Variants in CMIP observed in about 807,000 individuals in gnomAD.
CMIP encodes the protein C-Maf-inducing protein.
In CMIP, 13 loss-of-function variants were observed where a neutral mutation model predicts 97.3. That is an observed-to-expected ratio of 0.13 (90% CI 0.09 to 0.21). CMIP has a LOEUF of 0.21. Among genes scored for constraint, CMIP ranks in the 10% least tolerant of loss-of-function variants. CMIP has a pLI of 1.00. For missense variants in CMIP, 847 were observed against 1,024.9 expected (o/e 0.83, Z 2.37); for synonymous variants, 538 against 436.3 (o/e 1.23, Z -2.91).
At chr16:81,515,433 C>G (rs1185994467) in intron 1 of CMIP, among the ~76,000 whole-genome samples, 1 of 152,148 alleles carries the variant, frequency 6.6e-6, no homozygotes, top group Non-Finnish European at 1.5e-5. Context: ...CTGATCTTGG[C>G]TTTGAAGGCT....
intron 1 of CMIP, among the ~76,000 whole-genome samples, chr16:81,538,921 C>T (rs2090397020): frequency 1.3e-5 from 2 of 151,932 alleles, no homozygotes; most frequent in Admixed American, 1.3e-4. Flanking sequence ...GAACGGTGTC[C>T]ATCTGTTTGT....
rs143778022 is a variant in CMIP at position 81,452,029 on chromosome 16, C to T, written c.300+6488C>T. Among the ~76,000 whole-genome samples the T allele has an allele frequency of 2.2e-4, 33 of 152,284 alleles. No individual in the cohort carries two copies. The East Asian group carries it at 6.4e-3, about 29-fold the overall frequency. The stretch of plus-strand genomic sequence containing the variant: ...GACGTGCGTGTGGGGGAGGTGTTTG[C>T]TGTGTGTATTGAGGCAAAGGAGATG... On this transcript the variant is annotated intron_variant, in intron 1 of 20. Transcript: ENST00000537098.
intron 1 of CMIP, among the ~76,000 whole-genome samples, chr16:81,546,509 A>G (rs1021594955): frequency 3.9e-5 from 6 of 152,132 alleles, no homozygotes; most frequent in African/African-American, 1.4e-4. Flanking sequence ...CGGTTCATTC[A>G]TTCACCCATT....
intron 1 of CMIP, chr16:81,517,837 T>A (rs992550464): frequency 1.8e-6 from 1 of 545,908 alleles, no homozygotes; most frequent in African/African-American, 2.0e-5. Context: ...TTCGACGTTC[T>A]CTGGAGGCTT....
At chr16:81,530,610 C>T (rs924667315) in intron 1 of CMIP, among the ~76,000 whole-genome samples, 12 of 152,092 alleles carry the variant, frequency 7.9e-5, no homozygotes, top group Non-Finnish European at 1.8e-4. Flanking sequence ...CTTTCCTCAC[C>T]GCTTCCCAAG....
intron 1 of CMIP, among the ~76,000 whole-genome samples, chr16:81,506,322 G>T (rs2089708382): frequency 6.6e-6 from 1 of 152,098 alleles, no homozygotes; most frequent in South Asian, 2.1e-4. Context: ...ATGAGCAAGG[G>T]CCCCCAGAGA....
chr16:81,681,706 A>C lies in CMIP; in HGVS notation c.1388+3078A>C, dbSNP rs967776893. Among the ~76,000 whole-genome samples, 3 of 152,232 alleles carry C rather than the reference A, an allele frequency of 2.0e-5. No individual in the cohort carries two copies. The South Asian group carries it at 6.2e-4, about 32-fold the overall frequency. On this transcript the variant is annotated intron_variant, in intron 10 of 20. Transcript: ENST00000537098. ...AAAAGCCACATGGCATTTATTGCAC[A>C]CCTGGATTGCAGGAAACTTGCCTCC...
chr16:81,651,356 T>A, intron 3 of CMIP: 1 of 904,208 alleles, frequency 1.1e-6, no homozygotes, highest in Non-Finnish European at 1.3e-6. Context: ...GAACTAACTC[T>A]GCCTCAAATC....
At chr16:81,673,164 G>A (rs2092698344) in intron 9 of CMIP, among the ~76,000 whole-genome samples, 1 of 152,132 alleles carries the variant, frequency 6.6e-6, no homozygotes, top group Non-Finnish European at 1.5e-5. Flanking sequence ...TCCTAGGAAG[G>A]TGGTCCCAGG....
At chr16:81,692,827 T>G (rs1906252748) in intron 11 of CMIP, among the ~76,000 whole-genome samples, 1 of 152,160 alleles carries the variant, frequency 6.6e-6, no homozygotes, top group African/African-American at 2.4e-5. Flanking sequence ...CGTGGAACAA[T>G]TAATGAACAC....
intron 1 of CMIP, among the ~76,000 whole-genome samples, chr16:81,562,737 G>T (rs1387859523): frequency 6.6e-6 from 1 of 152,240 alleles, no homozygotes; most frequent in African/African-American, 2.4e-5. Flanking sequence ...GCACCGAAGG[G>T]CTCCAAGTTC....
intron 1 of CMIP, among the ~76,000 whole-genome samples, chr16:81,516,437 G>A (rs2089915313): frequency 1.3e-5 from 2 of 152,174 alleles, no homozygotes; most frequent in African/African-American, 4.8e-5. Context: ...TCAGCCCTTG[G>A]TTTCTGCAGA....
chr16:81,648,432 G>A (rs1013274777), intron 3 of CMIP, among the ~76,000 whole-genome samples: 2 of 152,092 alleles, frequency 1.3e-5, no homozygotes, highest in African/African-American at 4.8e-5. Context: ...ACCCTGCAGA[G>A]CGCATGCTTT....
intron 3 of CMIP, among the ~76,000 whole-genome samples, chr16:81,628,875 C>T (rs575982011): frequency 6.6e-6 from 1 of 152,190 alleles, no homozygotes; most frequent in East Asian, 1.9e-4. Context: ...ATGGCTCATA[C>T]CTGTAATCCC....
chr16:81,449,981 C>T (rs1906108480), intron 1 of CMIP, among the ~76,000 whole-genome samples: 1 of 152,224 alleles, frequency 6.6e-6, no homozygotes, highest in South Asian at 2.1e-4. Flanking sequence ...CTGAGCTTTC[C>T]TGCAAGTGGG....
intron 13 of CMIP, among the ~76,000 whole-genome samples, chr16:81,695,032 G>A (rs1048119323): frequency 1.3e-5 from 2 of 152,228 alleles, no homozygotes; most frequent in African/African-American, 4.8e-5. Flanking sequence ...GACGCTGGGA[G>A]AACAAAAGTG....
intron 1 of CMIP, among the ~76,000 whole-genome samples, chr16:81,506,933 A>G (rs956354575): frequency 6.6e-5 from 10 of 151,436 alleles, no homozygotes; most frequent in Non-Finnish European, 1.2e-4. Context: ...AAATGGCTCA[A>G]AGCCTTGTTC....
chr16:81,503,628 C>T (rs1354386284), intron 1 of CMIP, among the ~76,000 whole-genome samples: 6 of 152,222 alleles, frequency 3.9e-5, no homozygotes, highest in Admixed American at 2.6e-4. Context: ...AACTCTTGAG[C>T]TCAAGCGATC....
intron 1 of CMIP, among the ~76,000 whole-genome samples, chr16:81,524,139 A>G (rs546569999): frequency 2.9e-4 from 44 of 152,354 alleles, no homozygotes; most frequent in Admixed American, 5.2e-4. Context: ...CACAGCATCT[A>G]TTAGGAGACC....
Sources: gnomAD v4.1 joint callset for allele counts (sites outside exome capture counted in the v4.1 genomes callset) on GRCh38, gnomAD v4.1.1 for gene constraint, MANE v1.5 for transcripts, NCBI Gene and HGNC (gene_info 2026-07-23, HGNC 2026-07-21) for gene names.